Variants in NXPH2 observed in about 807,000 individuals in gnomAD.
NXPH2 encodes the protein neurexophilin-2.
NXPH2 carries 5 observed loss-of-function variants against 19.8 expected under a neutral mutation model. The observed-to-expected ratio is 0.25, with a 90% CI of 0.13 to 0.53. The LOEUF (loss-of-function observed/expected upper bound fraction) is 0.53. Among genes scored for constraint, NXPH2 ranks in the 20% least tolerant of loss-of-function variants. The pLI, the probability that NXPH2 is intolerant of heterozygous loss-of-function variation, is 0.96. For synonymous variants in NXPH2, 154 were observed against 127.4 expected, an observed-to-expected ratio of 1.21 and a Z score of -1.41; for missense variants, 289 against 322.8, an observed-to-expected ratio of 0.90 and a Z score of 0.80.
At chr2:138,743,329 T>A (rs1573974456) in intron 1 of NXPH2, among the ~76,000 whole-genome samples, 2 of 152,350 alleles carry the variant, frequency 1.3e-5, no homozygotes, top group Non-Finnish European at 2.9e-5. Context: ...ATCCATACAA[T>A]GAAATGCTAT....
intron 1 of NXPH2, among the ~76,000 whole-genome samples, chr2:138,714,683 A>G (rs1031306273): frequency 1.3e-5 from 2 of 152,190 alleles, no homozygotes; most frequent in African/African-American, 4.8e-5. Context: ...CTTCTGGGAT[A>G]ATGGTGTTAA....
At chr2:138,684,877 G>C (rs1273583137) in intron 1 of NXPH2, among the ~76,000 whole-genome samples, 1 of 152,088 alleles carries the variant, frequency 6.6e-6, no homozygotes, top group East Asian at 1.9e-4. Context: ...CAATATTACT[G>C]GCAGTATAAA....
chr2:138,777,817 C>G (rs1352168629), intron 1 of NXPH2, among the ~76,000 whole-genome samples: 4 of 135,870 alleles, frequency 2.9e-5, no homozygotes, highest in Non-Finnish European at 4.7e-5. Flanking sequence ...TTCACTCCTC[C>G]CTCACCAAAA....
chr2:138,707,719 C>T (rs943276038), intron 1 of NXPH2, among the ~76,000 whole-genome samples: 2 of 152,092 alleles, frequency 1.3e-5, no homozygotes, highest in African/African-American at 2.4e-5. Flanking sequence ...ACTTGCTAAC[C>T]ATATATCCTT....
At chr2:138,752,239 A>C (rs1681839017) in intron 1 of NXPH2, among the ~76,000 whole-genome samples, 1 of 152,146 alleles carries the variant, frequency 6.6e-6, no homozygotes, top group Non-Finnish European at 1.5e-5. Flanking sequence ...CCTTATCCCT[A>C]GATTGAAAGA....
intron 1 of NXPH2, among the ~76,000 whole-genome samples, chr2:138,697,174 G>A (rs868422583): frequency 6.6e-6 from 1 of 152,066 alleles, no homozygotes; most frequent in Admixed American, 6.6e-5. Context: ...CAAGGGGTTG[G>A]TGGTGTTGAC....
intron 1 of NXPH2, among the ~76,000 whole-genome samples, chr2:138,733,473 G>A (rs554089441): frequency 1.3e-5 from 2 of 152,232 alleles, no homozygotes; most frequent in Non-Finnish European, 2.9e-5. Context: ...AATATTTCAG[G>A]TAACATAACA....
chr2:138,709,392 A>G (rs2104986869), intron 1 of NXPH2, among the ~76,000 whole-genome samples: 2 of 152,246 alleles, frequency 1.3e-5, no homozygotes, highest in Admixed American at 1.3e-4. Flanking sequence ...AGCAGTTTTG[A>G]GTTCACAGCA....
chr2:138,751,235 G>A (rs2104833702), intron 1 of NXPH2, among the ~76,000 whole-genome samples: 1 of 152,258 alleles, frequency 6.6e-6, no homozygotes, highest in Middle Eastern at 3.4e-3. Flanking sequence ...ATCAGTAGCA[G>A]TACAGATCAC....
intron 1 of NXPH2, among the ~76,000 whole-genome samples, chr2:138,745,001 C>T (rs146513881): frequency 2.3e-3 from 347 of 152,274 alleles, no homozygotes; most frequent in Non-Finnish European, 4.4e-3. Context: ...CCATGTATGG[C>T]TGGCAGAGCA....
intron 1 of NXPH2, among the ~76,000 whole-genome samples, chr2:138,757,074 G>C (rs1681920736): frequency 6.6e-6 from 1 of 152,118 alleles, no homozygotes; most frequent in Admixed American, 6.5e-5. Context: ...GGCTACCTGA[G>C]AAAGGAAGCC....
At chr2:138,715,706 C>A (rs1681186957) in intron 1 of NXPH2, among the ~76,000 whole-genome samples, 1 of 152,134 alleles carries the variant, frequency 6.6e-6, no homozygotes, top group South Asian at 2.1e-4. Context: ...GAGGGCTTTC[C>A]TGTTTCTACT....
At chr2:138,765,418 G>T (rs868594879) in intron 1 of NXPH2, among the ~76,000 whole-genome samples, 2 of 152,114 alleles carry the variant, frequency 1.3e-5, no homozygotes, top group African/African-American at 4.8e-5. Context: ...TTCTGTTTAC[G>T]TTTCTATTAC....
chr2:138,757,569 T>C (rs958091317), intron 1 of NXPH2, among the ~76,000 whole-genome samples: 1 of 152,082 alleles, frequency 6.6e-6, no homozygotes, highest in Non-Finnish European at 1.5e-5. Context: ...TGTCAGTTCT[T>C]GCCTGCTTGT....
Position 138,671,057 on chromosome 2 carries a change from C to A in NXPH2, c.660G>T (p.Val220=). The change falls in exon 2 of 2, where the codon GTG becomes GTT. Residue 220 remains valine (V), a synonymous_variant. Transcript: ENST00000272641. ...ICYQEQTQSH[V]SWLCSKPFKV... Reference sequence around the variant, plus strand: ...TGAAGGGCTTGGAGCACAACCAAGACACATGGCTCTGAGTCTGCTCCTGGT... The same window carrying A: ...TGAAGGGCTTGGAGCACAACCAAGAAACATGGCTCTGAGTCTGCTCCTGGT... 6.2e-7 allele frequency: 1 copy of A among 1,613,994 alleles called. No homozygotes were observed.
chr2:138,748,593 C>T (rs1263220528), intron 1 of NXPH2, among the ~76,000 whole-genome samples: 1 of 152,086 alleles, frequency 6.6e-6, no homozygotes, highest in East Asian at 1.9e-4. Context: ...CTCTCTCTTT[C>T]CCTCTCTCTC....
intron 1 of NXPH2, among the ~76,000 whole-genome samples, chr2:138,725,962 T>C (rs1681351179): frequency 6.6e-6 from 1 of 152,192 alleles, no homozygotes; most frequent in Non-Finnish European, 1.5e-5. Flanking sequence ...ATCTGGATAT[T>C]CTAGGTTTTT....
intron 1 of NXPH2, among the ~76,000 whole-genome samples, chr2:138,729,321 C>A (rs1681409755): frequency 6.6e-6 from 1 of 152,152 alleles, no homozygotes; most frequent in Non-Finnish European, 1.5e-5. Context: ...TTATAAGGGG[C>A]TTTCCCCTTT....
intron 1 of NXPH2, among the ~76,000 whole-genome samples, chr2:138,755,558 C>G (rs1025899937): frequency 6.6e-6 from 1 of 151,980 alleles, no homozygotes; most frequent in South Asian, 2.1e-4. Context: ...TTAACCAATA[C>G]CATGGTGTAT....
Sources: allele counts gnomAD v4.1 joint callset (sites outside exome capture counted in the v4.1 genomes callset), GRCh38; gene constraint gnomAD v4.1.1; transcripts MANE v1.5; gene names NCBI Gene and HGNC (gene_info 2026-07-23, HGNC 2026-07-21).